DLGAP1: variants seen among roughly 807,000 people sequenced by gnomAD.
DLGAP1 encodes DLG associated protein 1.
Under a neutral mutation model 90.8 loss-of-function variants are expected in DLGAP1, and 11 were observed. The observed-to-expected ratio is 0.12, with a 90% CI of 0.08 to 0.20. The LOEUF is 0.20. DLGAP1 is among the 10% of genes least tolerant of loss of function. The pLI is 1.00. For synonymous variants in DLGAP1, 558 were observed against 540.7 expected (o/e 1.03, Z -0.44); for missense variants, 1,050 against 1,333.8 (o/e 0.79, Z 3.31).
chr18:3,586,743 C>A (rs1267786723), intron 7 of DLGAP1, among the ~76,000 whole-genome samples: 9 of 152,198 alleles, frequency 5.9e-5, no homozygotes, highest in African/African-American at 1.9e-4. Context: ...GAAATCCTTC[C>A]ATTTTCCCCA....
chr18:4,237,456 G>T (rs1453339382), intron 1 of DLGAP1, among the ~76,000 whole-genome samples: 1 of 152,022 alleles, frequency 6.6e-6, no homozygotes, highest in Admixed American at 6.6e-5. Context: ...AAACGGTCAG[G>T]GTTAATGCCT....
intron 5 of DLGAP1, among the ~76,000 whole-genome samples, chr18:3,809,007 A>G: frequency 6.6e-6 from 1 of 152,170 alleles, no homozygotes; most frequent in Non-Finnish European, 1.5e-5. Context: ...CCACTACTCT[A>G]CTGTGCCTTG....
chr18:4,014,179 A>G (rs1214507391), intron 2 of DLGAP1, among the ~76,000 whole-genome samples: 2 of 143,960 alleles, frequency 1.4e-5, no homozygotes, highest in Admixed American at 7.4e-5. Flanking sequence ...TCCACCTCCC[A>G]GGTTCAAGTG....
At chr18:3,638,250 T>C (rs2058797315) in intron 7 of DLGAP1, among the ~76,000 whole-genome samples, 2 of 63,200 alleles carry the variant, frequency 3.2e-5, no homozygotes, top group East Asian at 4.2e-3. Context: ...CCCGGCCCTT[T>C]TTTTTTTTTT....
intron 9 of DLGAP1, among the ~76,000 whole-genome samples, chr18:3,554,993 T>C (rs536815780): frequency 6.6e-6 from 1 of 152,262 alleles, no homozygotes; most frequent in Admixed American, 6.5e-5. Flanking sequence ...GATAAGTTGT[T>C]AACTGGCCAT....
intron 2 of DLGAP1, among the ~76,000 whole-genome samples, chr18:4,146,174 G>A (rs2076582520): frequency 6.6e-6 from 1 of 152,158 alleles, no homozygotes; most frequent in Non-Finnish European, 1.5e-5. Context: ...TCAGCTTCTA[G>A]CTATGTATGT....
rs752993323 is a variant in DLGAP1 at position 3,867,087 on chromosome 18, C to T, written c.957+12025G>A. ...CATGCTGGTCTTGAACTCCTGACCT[C>T]GTGATCCGCCCGCCTTGGCCTCCCA... On this transcript the variant is annotated intron_variant, in intron 4 of 12. Transcript: ENST00000315677. Among the ~76,000 whole-genome samples, 58 of 152,116 alleles carry T rather than the reference C, an allele frequency of 3.8e-4. 1 individual carries two copies. The highest frequency in any genetic ancestry group is 1.4e-3 in the Admixed American group (22 of 15,282).
rs1224971658 is a variant in DLGAP1, at chr18:3,565,401, C to T, written c.2057+2089G>A. The stretch of plus-strand genomic sequence containing the variant: ...CTTACCTCAGGTGATCCACCTGCCT[C>T]GGCCTCCCAGACTGCTGGGATTACA... On this transcript the variant is annotated intron_variant, in intron 9 of 12. Transcript: ENST00000315677. The surrounding 1 kb of genome is among the most constrained non-coding windows in gnomAD (Gnocchi z 4.0). Among the ~76,000 whole-genome samples the T allele has an allele frequency of 6.6e-6, 1 of 152,028 alleles. No individual in the cohort carries two copies. The highest frequency in any genetic ancestry group is 1.5e-5 in the Non-Finnish European group (1 of 67,996).
chr18:4,106,590 G>T (rs1438037629), intron 2 of DLGAP1, among the ~76,000 whole-genome samples: 1 of 152,216 alleles, frequency 6.6e-6, no homozygotes, highest in African/African-American at 2.4e-5. Context: ...CGAAGTGCCA[G>T]TAGTACTTCC....
chr18:3,794,080 G>A (rs1370566122), intron 5 of DLGAP1, among the ~76,000 whole-genome samples: 2 of 152,072 alleles, frequency 1.3e-5, no homozygotes, highest in Non-Finnish European at 2.9e-5. Flanking sequence ...ATGAATGAAC[G>A]AGGACACCAC....
intron 1 of DLGAP1, among the ~76,000 whole-genome samples, chr18:4,171,646 CATG>C (rs2077028563): frequency 6.6e-6 from 1 of 151,770 alleles, no homozygotes; most frequent in Non-Finnish European, 1.5e-5. Context: ...GTTGAGAATA[CATG>C]ATTTCAGGAA....
chr18:4,077,462 C>G (rs768630323), intron 2 of DLGAP1, among the ~76,000 whole-genome samples: 5 of 152,108 alleles, frequency 3.3e-5, no homozygotes, highest in Non-Finnish European at 5.9e-5. Flanking sequence ...GGGGGTGGAA[C>G]CACATGAATA....
intron 10 of DLGAP1, among the ~76,000 whole-genome samples, chr18:3,518,015 T>G (rs1340899390): frequency 1.3e-5 from 2 of 152,222 alleles, no homozygotes; most frequent in Non-Finnish European, 2.9e-5. Flanking sequence ...TTTTCCTTTG[T>G]ATTCACAACT....
At chr18:3,584,136 T>A (rs1459703019) in intron 7 of DLGAP1, among the ~76,000 whole-genome samples, 1 of 152,172 alleles carries the variant, frequency 6.6e-6, no homozygotes, top group East Asian at 1.9e-4. Flanking sequence ...AAAGCATGAT[T>A]TAAGAAAATA....
chr18:3,821,375 A>G (rs2067404333), intron 4 of DLGAP1, among the ~76,000 whole-genome samples: 1 of 151,956 alleles, frequency 6.6e-6, no homozygotes. Context: ...CTGACATCAA[A>G]GCTTTTAATA....
intron 1 of DLGAP1, among the ~76,000 whole-genome samples, chr18:4,248,885 C>G (rs1181770663): frequency 6.6e-6 from 1 of 152,204 alleles, no homozygotes; most frequent in Non-Finnish European, 1.5e-5. Flanking sequence ...TCCATCACTC[C>G]CACTGCTTCA....
intron 2 of DLGAP1, among the ~76,000 whole-genome samples, chr18:4,040,670 A>G (rs2095796432): frequency 1.3e-5 from 2 of 152,194 alleles, no homozygotes; most frequent in South Asian, 2.1e-4. Context: ...CAGTTTGTTG[A>G]TAAGTGGTGC....
chr18:4,209,160 G>A (rs1598624704), intron 1 of DLGAP1, among the ~76,000 whole-genome samples: 1 of 152,280 alleles, frequency 6.6e-6, no homozygotes, highest in African/African-American at 2.4e-5. Context: ...ACCAGCAACA[G>A]AAGGCAGGGG....
intron 1 of DLGAP1, among the ~76,000 whole-genome samples, chr18:4,372,825 G>A (rs2081944440): frequency 6.6e-6 from 1 of 152,016 alleles, no homozygotes; most frequent in Non-Finnish European, 1.5e-5. Context: ...CTACTCAGGA[G>A]GCTGAGGCAT....
Sources: gnomAD v4.1 joint callset for allele counts (sites outside exome capture counted in the v4.1 genomes callset) on GRCh38, gnomAD v4.1.1 for gene constraint, Gnocchi (gnomAD v3.1) non-coding constraint, MANE v1.5 for transcripts, NCBI Gene and HGNC (gene_info 2026-07-23, HGNC 2026-07-21) for gene names.